Variants in PFAS observed in about 807,000 individuals in gnomAD.
PFAS encodes the protein FGAM synthase.
PFAS carries 97 observed loss-of-function variants against 140.6 expected under a neutral mutation model. The observed-to-expected ratio is 0.69, with a 90% CI of 0.59 to 0.82. PFAS has a LOEUF of 0.82. PFAS is among the 40% of genes least tolerant of loss of function. The probability of loss-of-function intolerance (pLI) is 0.00; values close to 1 mark genes in which losing one functional copy is unlikely to be tolerated. For missense variants in PFAS, 1,656 were observed against 1,780.2 expected (o/e 0.93, Z 1.26); for synonymous variants, 679 against 718.8 (o/e 0.94, Z 0.88).
At chr17:8,250,650 G>A (rs1028304636) in intron 1 of PFAS, among the ~76,000 whole-genome samples, 1 of 152,162 alleles carries the variant, frequency 6.6e-6, no homozygotes, top group African/African-American at 2.4e-5. Flanking sequence ...GATAGATGGG[G>A]AGGGCCTTTG....
intron 12 of PFAS, 54 bp downstream of exon 12, chr17:8,263,047 A>G: frequency 6.2e-7 from 1 of 1,607,278 alleles, no homozygotes; most frequent in Non-Finnish European, 8.5e-7. Context: ...GGCCCCAGGC[A>G]TAGGGGAGCG....
rs1052689498 is a variant in PFAS at position 8,256,839 on chromosome 17, A to G, written c.951A>G (p.Val317=). 1.2e-6 allele frequency: 2 copies of G among 1,602,718 alleles called. No homozygotes were observed. The highest frequency in any genetic ancestry group is 1.7e-6 in the Non-Finnish European group (2 of 1,174,442). The change falls in exon 9 of 28, where the codon GTA becomes GTG. Residue 317 remains valine (V), a synonymous_variant. Transcript: ENST00000314666. ...CTCCCCACTCTCTCTTTGCAGGAGT[A>G]TGCCCCTTTAGTGGTGCAACCACTG... ...TAETHNFPTG[V]CPFSGATTGT...
chr17:8,263,857 A>C lies in PFAS; in HGVS notation c.1712A>C (p.Asn571Thr), dbSNP rs370529757. Residue 571 changes from asparagine (N) to threonine (T), a missense_variant, in exon 15 of 28, where the codon AAC becomes ACC. Transcript: ENST00000314666. ...ESNALLLRSPNRDFLTHVSAR... is the reference protein window; with the variant it reads ...ESNALLLRSPTRDFLTHVSAR... ...AATGCTCTTCTGCTGAGGTCCCCCAACCGGGACTTCCTGACTCATGTCAGT... is the reference window on the plus strand; with the variant it reads ...AATGCTCTTCTGCTGAGGTCCCCCACCCGGGACTTCCTGACTCATGTCAGT... 3.1e-6 allele frequency: 5 copies of C among 1,614,104 alleles called. No homozygotes were observed. Among genetic ancestry groups the C allele is most frequent in the Admixed American group, 1.7e-5 (1 of 60,014 alleles).
Position 8,256,375 on chromosome 17 carries a change from C to T in PFAS, c.789C>T (p.Pro263=), listed in dbSNP as rs970041387. ...TGAGCACCCAGGAATCCTCGAACCC[C>T]AACAACGTCCTCAAATTCTGTGATA... The part of the protein sequence containing the change: ...SIMSTQESSN[P]NNVLKFCDNS... Residue 263 remains proline (P), a synonymous_variant, in exon 7 of 28, where the codon CCC becomes CCT. Transcript: ENST00000314666. 6.2e-7 allele frequency: 1 copy of T among 1,613,962 alleles called. No individual in the cohort carries two copies. The highest frequency in any genetic ancestry group is 1.3e-5 in the African/African-American group (1 of 74,924).
Position 8,263,188 on chromosome 17 carries a change from G to T in PFAS, c.1490G>T (p.Arg497Leu). Residue 497 changes from arginine to leucine, a missense_variant, in exon 13 of 28, where the codon CGT (arginine) becomes CTT (leucine). Arg to Leu is a moderately radical substitution (Grantham distance 102). Transcript: ENST00000314666. ...GDPEMEQKMN[R>L]VIRACVEAPK... is the part of the protein sequence containing the mutation. ...CCGGAGATGGAACAGAAGATGAACC[G>T]TGTGATCAGGGCTTGTGTGGAGGCC... The T allele has an allele frequency of 5.6e-6, 9 of 1,614,000 alleles. No homozygotes were observed. Among genetic ancestry groups the T allele is most frequent in the Non-Finnish European group, 7.6e-6 (9 of 1,179,848 alleles).
intron 11 of PFAS, 122 bp from the exon 12 acceptor site, chr17:8,262,795 CAAA>C (rs377646977): frequency 2.9e-5 from 18 of 621,416 alleles, no homozygotes; most frequent in Non-Finnish European, 3.7e-5. Flanking sequence ...GACTCCATCT[CAAA>C]AAAAAAAAAG....
rs1188640761 is a variant in PFAS, at chr17:8,257,863, C to T, written c.1132C>T (p.Pro378Ser). 14 of 1,614,022 alleles carry T rather than the reference C, an allele frequency of 8.7e-6. No individual in the cohort carries two copies. The highest frequency in any genetic ancestry group is 1.2e-5 in the Non-Finnish European group (14 of 1,179,870). Residue 378 changes from proline to serine, a missense_variant, in exon 10 of 28, where the codon CCC becomes TCC. This residue lies in a region of PFAS where 773 missense variants were observed against 757.3 expected (regional missense o/e 1.02). Coordinates refer to ENST00000314666, the MANE Select transcript of PFAS (RefSeq NM_012393.3). ...SFQYPGNFAR[P>S]LEVAIEASNG... is the part of the protein sequence containing the mutation. Reference sequence around the variant, plus strand: ...CCAGTATCCTGGGAATTTTGCCCGGCCCCTGGAGGTTGCCATTGAAGCCAG... The same window carrying T: ...CCAGTATCCTGGGAATTTTGCCCGGTCCCTGGAGGTTGCCATTGAAGCCAG...
chr17:8,264,341 T>A lies in PFAS; in HGVS notation c.1917+4T>A. 6.2e-7 allele frequency: 1 copy of A among 1,613,792 alleles called. No individual in the cohort carries two copies. The highest frequency in any genetic ancestry group is 2.2e-5 in the East Asian group (1 of 44,868). On this transcript the variant is annotated splice_donor_region_variant and intron_variant, in intron 16 of 27. Coordinates refer to ENST00000314666, the MANE Select transcript of PFAS (RefSeq NM_012393.3). The stretch of plus-strand genomic sequence containing the variant: ...GCTGGGCAAGATGCCTCGGAAGGTA[T>A]GTGGGGTTGAGGGGATGGGTTTTTC...
chr17:8,268,037 T>C (rs946212725), intron 26 of PFAS, among the ~76,000 whole-genome samples: 1 of 94,146 alleles, frequency 1.1e-5, no homozygotes, highest in Non-Finnish European at 2.0e-5. Context: ...TATTAAAATA[T>C]GTATATTTTT....
chr17:8,267,957 AATATATATTATTT>A lies in PFAS; in HGVS notation c.3382+312_3382+324del, dbSNP rs1273125508. Reference sequence around the variant, plus strand: ...ATGTATATTATTTATATATTATTAAAATATATATTATTTATATATATTATTTATATATTATTAA... The same window carrying A: ...ATGTATATTATTTATATATTATTAAAATATATATTATTTATATATTATTAA... On this transcript the variant is annotated intron_variant, in intron 26 of 27. Coordinates refer to ENST00000314666, the MANE Select transcript of PFAS (RefSeq NM_012393.3). This position sits in a 1 kb window ranked among gnomAD's most constrained non-coding sequence, Gnocchi z 4.9. Among the ~76,000 whole-genome samples, 126 of 143,830 alleles carry A rather than the reference AATATATATTATTT, an allele frequency of 8.8e-4. 1 individual carries two copies. The highest frequency in any genetic ancestry group is 7.7e-4 in the Non-Finnish European group (51 of 65,986). The allele number at this position is 143,830 out of a possible 152,430, so 94.4% of individuals were successfully genotyped here.
rs142143008 is a variant in PFAS, at chr17:8,257,085, C to T, written c.1075+122C>T. On this transcript the variant is annotated intron_variant, in intron 9 of 27. Coordinates refer to ENST00000314666, the MANE Select transcript of PFAS (RefSeq NM_012393.3). ...GTGCCTTTTCTCAGGAGGAAGGGCT[C>T]TAGGATAGCTGGCCTTTCACTAACT... is the stretch of plus-strand genomic sequence containing the variant. 330 of 1,067,810 alleles carry T rather than the reference C, an allele frequency of 3.1e-4. 1 individual carries two copies. In the East Asian group the frequency reaches 6.1e-3, roughly 20 times the overall value. 66.1% of individuals were successfully genotyped at this position (1,067,810 alleles called of 1,614,324 possible). A position where few individuals can be genotyped will look rare whatever the true frequency, so the allele number is the denominator to read the frequency against.
Position 8,267,256 on chromosome 17 carries a change from G to A in PFAS, c.3175+21G>A. On this transcript the variant is annotated intron_variant, in intron 24 of 27. Coordinates refer to ENST00000314666, the MANE Select transcript of PFAS (RefSeq NM_012393.3). This position sits in a 1 kb window ranked among gnomAD's most constrained non-coding sequence, Gnocchi z 4.9. The stretch of plus-strand genomic sequence containing the variant: ...GCCTGGTGAGGGAGTGTGTGCAGAG[G>A]CTCCGCGTCCTGGGGGCACTGAGCC... 6.3e-7 allele frequency: 1 copy of A among 1,599,484 alleles called. No individual in the cohort carries two copies. Among genetic ancestry groups the A allele is most frequent in the Non-Finnish European group, 8.6e-7 (1 of 1,168,498 alleles).
chr17:8,265,335 G>A lies in PFAS; in HGVS notation c.2328G>A (p.Gly776=). 6.2e-7 allele frequency: 1 copy of A among 1,614,186 alleles called. No individual in the cohort carries two copies. Among genetic ancestry groups the A allele is most frequent in the Non-Finnish European group, 8.5e-7 (1 of 1,180,040 alleles). Residue 776 remains glycine (G), a synonymous_variant, in exon 19 of 28, where the codon GGG becomes GGA. Coordinates refer to ENST00000314666, the MANE Select transcript of PFAS (RefSeq NM_012393.3). ...GNWMWAAKLP[G]EGAALADACE... Reference sequence around the variant, plus strand: ...GGATGTGGGCAGCCAAGCTCCCAGGGGAGGGCGCAGCTTTGGCGGATGCCT... The same window carrying A: ...GGATGTGGGCAGCCAAGCTCCCAGGAGAGGGCGCAGCTTTGGCGGATGCCT...
rs748582185 is a variant in PFAS at position 8,266,248 on chromosome 17, T to C, written c.2716T>C (p.Ser906Pro). The C allele has an allele frequency of 6.2e-7, 1 of 1,614,070 alleles. No individual in the cohort carries two copies. Among genetic ancestry groups the C allele is most frequent in the Admixed American group, 1.7e-5 (1 of 60,006 alleles). Residue 906 changes from serine to proline, a missense_variant, in exon 22 of 28, where the codon TCA becomes CCA. Ser to Pro is a moderately conservative substitution (Grantham distance 74). This residue lies in a region of PFAS where 883 missense variants were observed against 1,023.0 expected (regional missense o/e 0.86). Transcript: ENST00000314666. The surrounding 1 kb of genome is among the most constrained non-coding windows in gnomAD (Gnocchi z 5.0). Reference protein sequence around the residue: ...QGLLKDRLLCSGHDVSDGGLV... With the variant: ...QGLLKDRLLCPGHDVSDGGLV... ...CCTTCCTCCAGACCGCCTCCTCTGC[T>C]CAGGCCACGATGTCAGTGACGGAGG...
intron 11 of PFAS, among the ~76,000 whole-genome samples, chr17:8,258,803 G>A (rs910908961): frequency 3.3e-5 from 5 of 151,944 alleles, no homozygotes; most frequent in Non-Finnish European, 7.4e-5. Context: ...TGGCTAACAC[G>A]GTGAAACCCC....
At chr17:8,248,128 C>CG (rs1988942066), upstream of PFAS, 1 of 940,694 alleles carries the variant, frequency 1.1e-6, no homozygotes, top group Non-Finnish European at 1.7e-6. Context: ...CACCGGTGAG[C>CG]GGGTTTCCTC....
upstream of PFAS, chr17:8,249,244 C>G (rs1051937086): frequency 6.6e-6 from 1 of 151,834 alleles, no homozygotes; most frequent in Non-Finnish European, 1.5e-5. Context: ...CGCCCCGGCG[C>G]TGGCAGGTCC....
chr17:8,251,656 G>A (rs900081597), intron 1 of PFAS, among the ~76,000 whole-genome samples: 1 of 143,032 alleles, frequency 7.0e-6, no homozygotes, highest in Non-Finnish European at 1.5e-5. Context: ...TTCAGGATCT[G>A]CTTAAGCAAT....
intron 1 of PFAS, among the ~76,000 whole-genome samples, chr17:8,250,341 G>A (rs1306434057): frequency 6.6e-6 from 1 of 151,500 alleles, no homozygotes; most frequent in Non-Finnish European, 1.5e-5. Flanking sequence ...GTGGTCAGGA[G>A]GTTAATGCAT....
Sources: allele counts gnomAD v4.1 joint callset (sites outside exome capture counted in the v4.1 genomes callset), GRCh38; gene constraint gnomAD v4.1.1; regional missense constraint gnomAD v4.1.1; non-coding constraint Gnocchi (gnomAD v3.1); transcripts MANE v1.5; gene names NCBI Gene and HGNC (gene_info 2026-07-23, HGNC 2026-07-21).